Variants in DLGAP2 observed in about 807,000 individuals in gnomAD.
The protein encoded by DLGAP2 is disks large-associated protein 2.
In DLGAP2, 26 loss-of-function variants were observed where a neutral mutation model predicts 100.3. The ratio of observed to expected loss-of-function variants is 0.26; its 90% CI spans 0.19 to 0.36. DLGAP2 has a LOEUF of 0.36. Among genes scored for constraint, DLGAP2 ranks in the 10% least tolerant of loss-of-function variants. The probability of loss-of-function intolerance (pLI) is 1.00; values close to 1 mark genes in which losing one functional copy is unlikely to be tolerated. For synonymous variants in DLGAP2, 886 were observed against 630.1 expected (o/e 1.41, Z -6.08); for missense variants, 1,858 against 1,453.2 (o/e 1.28, Z -4.53).
chr8:1,186,385 C>T (rs1367980436), intron 2 of DLGAP2, among the ~76,000 whole-genome samples: 1 of 152,210 alleles, frequency 6.6e-6, no homozygotes. Context: ...AAAACTGTGA[C>T]CAGGCAGAGA....
chr8:1,298,959 G>A (rs758252909), intron 3 of DLGAP2, among the ~76,000 whole-genome samples: 6 of 152,238 alleles, frequency 3.9e-5, no homozygotes, highest in Middle Eastern at 3.4e-3. Flanking sequence ...CGGCATTCAC[G>A]TCTGTCTCAG....
chr8:817,157 A>G lies in DLGAP2; in HGVS notation c.18+79332A>G, dbSNP rs75033681. 2.7e-4 allele frequency among the ~76,000 whole-genome samples: 41 copies of G among 152,036 alleles called. 1 individual carries two copies. The East Asian group carries it at 6.2e-3, about 23-fold the overall frequency. On this transcript the variant is annotated intron_variant, in intron 1 of 14. Coordinates refer to ENST00000637795, the MANE Select transcript of DLGAP2 (RefSeq NM_001346810.2). Reference sequence around the variant, plus strand: ...CTCCGTCTCAAAAAAAAAAAAAAAAAAAGAAAGTTATCTTTTCTTTGTCTT... The same window carrying G: ...CTCCGTCTCAAAAAAAAAAAAAAAAGAAGAAAGTTATCTTTTCTTTGTCTT...
chr8:1,388,915 C>T (rs575546059), intron 3 of DLGAP2, among the ~76,000 whole-genome samples: 15 of 113,366 alleles, frequency 1.3e-4, no homozygotes, highest in African/African-American at 4.3e-4. Flanking sequence ...AGGCAGATGC[C>T]GTGGATGAGG....
intron 13 of DLGAP2, among the ~76,000 whole-genome samples, chr8:1,695,269 C>A (rs1015239969): frequency 2.7e-5 from 4 of 150,056 alleles, no homozygotes; most frequent in African/African-American, 9.8e-5. Context: ...CACAGCCATG[C>A]CCGGCCCTAC....
At chr8:953,383 G>A (rs913236457) in intron 2 of DLGAP2, among the ~76,000 whole-genome samples, 2 of 151,976 alleles carry the variant, frequency 1.3e-5, no homozygotes, top group Admixed American at 6.6e-5. Flanking sequence ...TAGCAGAGAC[G>A]GGATTTCGCC....
Position 885,700 on chromosome 8 carries a change from G to A in DLGAP2, c.19-22212G>A, listed in dbSNP as rs114179383. Among the ~76,000 whole-genome samples the A allele has an allele frequency of 2.8e-3, 430 of 152,252 alleles. 2 individuals are homozygous for A. Among genetic ancestry groups the A allele is most frequent in the African/African-American group, 9.9e-3 (412 of 41,556 alleles). On this transcript the variant is annotated intron_variant, in intron 1 of 14. Transcript: ENST00000637795. ...AGAGAGGGCCTCCTCGTCTTGTGCT[G>A]GTTTTCAGATGGAATGCTTCCAGCT... is the stretch of plus-strand genomic sequence containing the variant.
intron 2 of DLGAP2, among the ~76,000 whole-genome samples, chr8:982,883 ATTTTTTTTTTTT>A (rs35686773): frequency 8.5e-6 from 1 of 117,336 alleles, no homozygotes; most frequent in Non-Finnish European, 1.7e-5. Context: ...TAAAGGTAGG[ATTTTTTTTTTTT>A]TTTTTTTTTT....
At chr8:1,049,843 T>C (rs529088303) in intron 2 of DLGAP2, among the ~76,000 whole-genome samples, 1 of 151,142 alleles carries the variant, frequency 6.6e-6, no homozygotes, top group Non-Finnish European at 1.5e-5. Flanking sequence ...GGCAGTCACA[T>C]GTGTGGATAT....
chr8:1,684,810 C>A lies in DLGAP2; in HGVS notation c.2704+6181C>A, dbSNP rs569300713. Among the ~76,000 whole-genome samples the A allele has an allele frequency of 2.0e-5, 3 of 152,114 alleles. No homozygotes were observed. In the East Asian group the frequency reaches 5.8e-4, roughly 29 times the overall value. On this transcript the variant is annotated intron_variant, in intron 12 of 14. Coordinates refer to ENST00000637795, the MANE Select transcript of DLGAP2 (RefSeq NM_001346810.2). The stretch of plus-strand genomic sequence containing the variant: ...CATATTTTCTAAAACAAAAGAAATC[C>A]TTCCCAAGCTAAGACTTTATTGAAT...
rs1203151608 is a variant in DLGAP2 at position 1,457,975 on chromosome 8, C to CATATACATAT, written c.107-43386_107-43385insCATATATATA. Among the ~76,000 whole-genome samples, 18 of 107,732 alleles carry CATATACATAT rather than the reference C, an allele frequency of 1.7e-4. No individual in the cohort carries two copies. The East Asian group carries it at 3.3e-3, about 20-fold the overall frequency. 70.7% of individuals were successfully genotyped at this position (107,732 alleles called of 152,430 possible). ...CTGTCAATTGTCTCTGTTCTCTGAT[C>CATATACATAT]ATATATATATATATATATATATATA... On this transcript the variant is annotated intron_variant, in intron 3 of 14. Coordinates refer to ENST00000637795, the MANE Select transcript of DLGAP2 (RefSeq NM_001346810.2).
chr8:1,378,742 T>G (rs1464543714), intron 3 of DLGAP2, among the ~76,000 whole-genome samples: 1 of 152,258 alleles, frequency 6.6e-6, no homozygotes, highest in Admixed American at 6.5e-5. Flanking sequence ...TTGCTTTCAT[T>G]CTAATTTACA....
At chr8:1,267,588 T>TAA (rs1259205393) in intron 3 of DLGAP2, among the ~76,000 whole-genome samples, 2,192 of 33,870 alleles carry the variant, frequency 0.065, 199 homozygotes, top group African/African-American at 0.19. Context: ...TAAAATAAAA[T>TAA]AAGATAAGAT....
intron 1 of DLGAP2, among the ~76,000 whole-genome samples, chr8:849,820 G>C (rs187213635): frequency 1.3e-5 from 2 of 152,178 alleles, no homozygotes; most frequent in African/African-American, 4.8e-5. Context: ...GCTCACACCT[G>C]AAATCCCAGC....
intron 1 of DLGAP2, among the ~76,000 whole-genome samples, chr8:778,231 C>T (rs1335999140): frequency 1.3e-5 from 2 of 152,072 alleles, no homozygotes. Flanking sequence ...ATTGGTTATT[C>T]TAGTTATACA....
intron 2 of DLGAP2, among the ~76,000 whole-genome samples, chr8:1,114,827 AT>A (rs2129046499): frequency 6.6e-6 from 1 of 152,242 alleles, no homozygotes; most frequent in South Asian, 2.1e-4. Context: ...TTGATGTGGC[AT>A]TTAGTGCTAC....
At chr8:1,601,244 A>G (rs1199752234) in intron 6 of DLGAP2, among the ~76,000 whole-genome samples, 1 of 152,194 alleles carries the variant, frequency 6.6e-6, no homozygotes, top group Non-Finnish European at 1.5e-5. Context: ...TTCCTCTGGA[A>G]GCTTCGTCCC....
chr8:1,346,193 T>G (rs1801551099), intron 3 of DLGAP2, among the ~76,000 whole-genome samples: 1 of 152,252 alleles, frequency 6.6e-6, no homozygotes. Context: ...CATACAGAGC[T>G]GCATTGCACT....
At chr8:1,508,918 T>A (rs1234977723) in intron 4 of DLGAP2, among the ~76,000 whole-genome samples, 1 of 152,090 alleles carries the variant, frequency 6.6e-6, no homozygotes, top group South Asian at 2.1e-4. Flanking sequence ...TGGTTTTCTG[T>A]TCTGCAGTTC....
chr8:1,070,064 T>C (rs1412166250), intron 2 of DLGAP2, among the ~76,000 whole-genome samples: 2 of 152,230 alleles, frequency 1.3e-5, no homozygotes, highest in Admixed American at 1.3e-4. Context: ...TATTCAAACA[T>C]TCTTTTCTCC....
Sources: allele counts gnomAD v4.1 joint callset (sites outside exome capture counted in the v4.1 genomes callset), GRCh38; gene constraint gnomAD v4.1.1; transcripts MANE v1.5; gene names NCBI Gene and HGNC (gene_info 2026-07-23, HGNC 2026-07-21).